The following CPNE2 variants were observed in gnomAD, a reference collection of about 807,000 sequenced individuals.
CPNE2 encodes copine 2.
CPNE2 carries 42 observed loss-of-function variants against 69.7 expected under a neutral mutation model. The observed-to-expected ratio is 0.60, with a 90% confidence interval of 0.47 to 0.78. The LOEUF is 0.78. Ranked by LOEUF, CPNE2 falls within the 30% of genes least tolerant of loss-of-function variation. The pLI, the probability that CPNE2 is intolerant of heterozygous loss-of-function variation, is 0.00. For missense variants in CPNE2, 587 were observed against 732.0 expected, an observed-to-expected ratio of 0.80 and a Z score of 2.29; for synonymous variants, 294 against 289.8, an observed-to-expected ratio of 1.01 and a Z score of -0.15.
chr16:57,120,179 A>G (rs2069750961), intron 7 of CPNE2, among the ~76,000 whole-genome samples: 1 of 152,028 alleles, frequency 6.6e-6, no homozygotes, highest in South Asian at 2.1e-4. Context: ...AGCCTGAGGC[A>G]GGAGAATCAC....
intron 7 of CPNE2, among the ~76,000 whole-genome samples, chr16:57,120,814 G>A (rs2069756204): frequency 6.6e-6 from 1 of 152,322 alleles, no homozygotes; most frequent in Non-Finnish European, 1.5e-5. Flanking sequence ...ACAACCCGAG[G>A]TGGAGGGGGA....
Position 57,146,085 on chromosome 16 carries a change from C to T in CPNE2, c.1303C>T (p.Gln435Ter). Residue 435 changes from glutamine to a stop codon, truncating the protein, a stop_gained and splice_region_variant, in exon 15 of 16, where the codon CAG (glutamine) becomes TAG (stop). Coordinates refer to ENST00000290776, the MANE Select transcript of CPNE2 (RefSeq NM_152727.6). LOFTEE classifies it high-confidence loss of function. The surrounding 1 kb of genome is among the most constrained non-coding windows in gnomAD (Gnocchi z 4.4). ...TGCCCCGTTGGCCCCCTCCCTGCAG[C>T]AGTACTTCATCCTCCTCATCATCAC... ...AQATQQRTAT[Q>*]YFILLIITDG... 1 of 1,603,630 alleles carries T rather than the reference C, an allele frequency of 6.2e-7. No individual in the cohort carries two copies. Among genetic ancestry groups the T allele is most frequent in the Non-Finnish European group, 8.5e-7 (1 of 1,174,674 alleles).
chr16:57,093,543 C>T (rs1325442721), intron 1 of CPNE2, among the ~76,000 whole-genome samples: 14 of 152,034 alleles, frequency 9.2e-5, no homozygotes, highest in Non-Finnish European at 2.1e-4. Flanking sequence ...CCCCCGAGTT[C>T]AAGAAGCTCT....
At position 57,137,224 on chromosome 16, in the gene CPNE2, C is replaced by T. The variant is rs1283939208; in HGVS notation, c.1244C>T (p.Pro415Leu). ...IRFYGPTNFS[P>L]IVNHVARFAA... Reference sequence around the variant, plus strand: ...TTCTACGGTCCTACCAATTTCTCCCCCATCGTCAACCACGTGGCCCGGTTT... The same window carrying T: ...TTCTACGGTCCTACCAATTTCTCCCTCATCGTCAACCACGTGGCCCGGTTT... The change falls in exon 14 of 16, where the codon CCC becomes CTC. Residue 415 changes from proline (P) to leucine (L), a missense_variant. Around this residue, in one of 5 missense-constraint regions of CPNE2, gnomAD observed 185 missense variants for 252.3 expected, o/e 0.73. Transcript: ENST00000290776. 1 of 1,614,240 alleles carries T rather than the reference C, an allele frequency of 6.2e-7. No homozygotes were observed. The highest frequency in any genetic ancestry group is 1.3e-5 in the African/African-American group (1 of 75,066).
chr16:57,103,739 C>A (rs1230305645), intron 1 of CPNE2, among the ~76,000 whole-genome samples: 3 of 152,216 alleles, frequency 2.0e-5, no homozygotes, highest in Non-Finnish European at 2.9e-5. Context: ...TCCTCCCCGA[C>A]AGTGAGCTCC....
At chr16:57,104,365 C>G (rs1199661294) in intron 1 of CPNE2, among the ~76,000 whole-genome samples, 1 of 152,220 alleles carries the variant, frequency 6.6e-6, no homozygotes, top group African/African-American at 2.4e-5. Context: ...GCCTAGTCAC[C>G]ATCCTTCCCT....
chr16:57,140,327 C>T (rs1416555052), intron 14 of CPNE2, among the ~76,000 whole-genome samples: 2 of 151,982 alleles, frequency 1.3e-5, no homozygotes, highest in African/African-American at 4.8e-5. Context: ...CCCACCACCA[C>T]GCCTGGTTAA....
intron 14 of CPNE2, chr16:57,142,523 G>C (rs1003941316): frequency 6.6e-6 from 1 of 152,370 alleles, no homozygotes; most frequent in African/African-American, 2.4e-5. Context: ...TGAGGAACCT[G>C]GGTTTTCTCT....
Position 57,115,374 on chromosome 16 carries a change from T to A in CPNE2, c.361-102T>A, listed in dbSNP as rs1403032055. The A allele has an allele frequency of 4.4e-6, 4 of 911,898 alleles. No individual in the cohort carries two copies. In the African/African-American group the frequency reaches 6.6e-5, roughly 15 times the overall value. The allele number at this position is 911,898 out of a possible 1,614,324, so 56.5% of individuals were successfully genotyped here. ...GGGTCACCAGCCAGCCAGGGCGGGG[T>A]GCAGCCCTGCCAAGAGGATTTTTCC... is the stretch of plus-strand genomic sequence containing the variant. On this transcript the variant is annotated intron_variant, in intron 3 of 15. Transcript: ENST00000290776.
chr16:57,137,262 A>T lies in CPNE2; in HGVS notation c.1282A>T (p.Thr428Ser), dbSNP rs780009073. Reference protein sequence around the residue: ...NHVARFAAQATQQRTATQYFI... With the variant: ...NHVARFAAQASQQRTATQYFI... Reference sequence around the variant, plus strand: ...CGTGGCCCGGTTTGCGGCCCAGGCCACACAACAGCGGACGGCCACGGTGAG... The same window carrying T: ...CGTGGCCCGGTTTGCGGCCCAGGCCTCACAACAGCGGACGGCCACGGTGAG... Residue 428 changes from threonine (T) to serine (S), a missense_variant, in exon 14 of 16, where the codon ACA becomes TCA. Physicochemically the swap from Thr to Ser is moderately conservative, Grantham distance 58. This residue lies in a region of CPNE2 where 185 missense variants were observed against 252.3 expected (regional missense o/e 0.73). Transcript: ENST00000290776. The T allele has an allele frequency of 1.2e-6, 2 of 1,614,214 alleles. No homozygotes were observed. Among genetic ancestry groups the T allele is most frequent in the Non-Finnish European group, 1.7e-6 (2 of 1,180,022 alleles).
chr16:57,136,663 C>T (rs1307331721), intron 13 of CPNE2, among the ~76,000 whole-genome samples: 1 of 152,178 alleles, frequency 6.6e-6, no homozygotes, highest in Non-Finnish European at 1.5e-5. Context: ...CCTGTAATCC[C>T]AGCACTTTGG....
At chr16:57,134,100 G>A (rs1178521112) in intron 12 of CPNE2, among the ~76,000 whole-genome samples, 1 of 152,196 alleles carries the variant, frequency 6.6e-6, no homozygotes, top group African/African-American at 2.4e-5. Flanking sequence ...AGCAGCAGCC[G>A]GATGTGATGG....
intron 14 of CPNE2, 129 bp downstream of exon 14, chr16:57,137,411 G>A (rs781345153): frequency 1.3e-4 from 162 of 1,244,328 alleles, no homozygotes; most frequent in Non-Finnish European, 1.7e-4. Context: ...TTACCTTCAC[G>A]TATTGTAAAA....
intron 12 of CPNE2, among the ~76,000 whole-genome samples, chr16:57,129,471 G>T (rs35364178): frequency 6.6e-6 from 1 of 152,164 alleles, no homozygotes; most frequent in Non-Finnish European, 1.5e-5. Flanking sequence ...GATGAGGAAC[G>T]GGGTGGGTGC....
chr16:57,124,078 TTTTCTTTTC>T (rs1162574747), intron 10 of CPNE2: 12 of 176,704 alleles, frequency 6.8e-5, no homozygotes, highest in African/African-American at 2.4e-4. Flanking sequence ...TTTTCTTTTC[TTTTCTTTTC>T]TTTTTTTTTT....
intron 1 of CPNE2, among the ~76,000 whole-genome samples, chr16:57,105,629 G>T (rs563121975): frequency 6.6e-6 from 1 of 152,208 alleles, no homozygotes; most frequent in Non-Finnish European, 1.5e-5. Context: ...ATAGCCCCGG[G>T]GTGCTCAGGG....
In CPNE2 at chr16:57,146,264, G is replaced by T. The variant is rs751637685; in HGVS notation, c.1482G>T (p.Thr494=). The T allele has an allele frequency of 1.3e-6, 2 of 1,557,168 alleles. No homozygotes were observed. Among genetic ancestry groups the T allele is most frequent in the East Asian group, 2.4e-5 (1 of 41,400 alleles). The change falls in exon 15 of 16, where the codon ACG becomes ACT. Residue 494 remains threonine (T), a synonymous_variant. Transcript: ENST00000290776. This position sits in a 1 kb window ranked among gnomAD's most constrained non-coding sequence, Gnocchi z 4.4. ...ACAGCCGCATGCTGCGCTCCCACAC[G>T]GGGGAGGAGGCAGCCCGCGATATTG... The part of the protein sequence containing the change: ...DGDSRMLRSH[T]GEEAARDIVQ...
chr16:57,093,041 G>A (rs1405767510), intron 1 of CPNE2, among the ~76,000 whole-genome samples: 16 of 152,090 alleles, frequency 1.1e-4, no homozygotes, highest in Non-Finnish European at 1.8e-4. Flanking sequence ...TCCCTGGGGA[G>A]GGGGGCGCCC....
intron 13 of CPNE2, among the ~76,000 whole-genome samples, chr16:57,136,176 T>C (rs1374188874): frequency 3.3e-5 from 5 of 152,190 alleles, no homozygotes; most frequent in African/African-American, 1.2e-4. Flanking sequence ...TCATGAGACC[T>C]TTCCGCCTAG....
Sources: gnomAD v4.1 joint callset for allele counts (sites outside exome capture counted in the v4.1 genomes callset) on GRCh38, gnomAD v4.1.1 for gene constraint, gnomAD v4.1.1 regional missense constraint, Gnocchi (gnomAD v3.1) non-coding constraint, MANE v1.5 for transcripts, NCBI Gene and HGNC (gene_info 2026-07-23, HGNC 2026-07-21) for gene names.